MYH10: variants seen among roughly 807,000 people sequenced by gnomAD.
MYH10 encodes myosin heavy chain 10.
A neutral mutation model predicts 257.8 loss-of-function variants in MYH10; 55 were observed. That is an observed-to-expected ratio of 0.21 (90% CI 0.17 to 0.27). The LOEUF is 0.27. Ranked by LOEUF, MYH10 falls within the 10% of genes least tolerant of loss-of-function variation. The pLI, the probability that MYH10 is intolerant of heterozygous loss-of-function variation, is 1.00. For synonymous variants in MYH10, 854 were observed against 921.7 expected (o/e 0.93, Z 1.33); for missense variants, 1,631 against 2,500.6 (o/e 0.65, Z 7.42).
At chr17:8,484,016 TAAA>T (rs1342199584) in intron 37 of MYH10, 119 bp downstream of exon 37, 2 of 975,620 alleles carry the variant, frequency 2.0e-6, no homozygotes, top group Non-Finnish European at 2.9e-6. Flanking sequence ...CTTAAAAAAA[TAAA>T]AAACAAAAAT....
At chr17:8,622,117 CCAT>C (rs1168402653) in intron 2 of MYH10, among the ~76,000 whole-genome samples, 1 of 152,184 alleles carries the variant, frequency 6.6e-6, no homozygotes, top group Non-Finnish European at 1.5e-5. Context: ...CAAACCACGA[CCAT>C]CAACTTTTCT....
intron 3 of MYH10, among the ~76,000 whole-genome samples, chr17:8,592,444 T>C (rs1305516424): frequency 6.6e-6 from 1 of 152,068 alleles, no homozygotes; most frequent in African/African-American, 2.4e-5. Context: ...AAACTGCCAA[T>C]ATCTGTAATT....
At chr17:8,505,249 T>C (rs889532045) in intron 27 of MYH10, among the ~76,000 whole-genome samples, 1 of 152,240 alleles carries the variant, frequency 6.6e-6, no homozygotes. Context: ...AAGGCTGTTA[T>C]AGTTAAAAAT....
chr17:8,582,579 G>A (rs2083749267), intron 4 of MYH10, among the ~76,000 whole-genome samples: 1 of 152,222 alleles, frequency 6.6e-6, no homozygotes, highest in African/African-American at 2.4e-5. Flanking sequence ...CTAGCTGGAG[G>A]TGTCCTGCAT....
chr17:8,477,100 G>A lies in MYH10; in HGVS notation c.5707-52C>T, dbSNP rs757936666. 6.9e-6 allele frequency: 11 copies of A among 1,602,314 alleles called. No homozygotes were observed. Among genetic ancestry groups the A allele is most frequent in the South Asian group, 5.5e-5 (5 of 90,566 alleles). ...AAACCAAACTGGTGAATCCAGTGTCGGCCTCTCTGTACCCCGAGCGTGGCA... is the reference window on the plus strand; with the variant it reads ...AAACCAAACTGGTGAATCCAGTGTCAGCCTCTCTGTACCCCGAGCGTGGCA... On this transcript the variant is annotated intron_variant, in intron 41 of 42. Coordinates refer to ENST00000360416, the MANE Select transcript of MYH10 (RefSeq NM_001256012.3). This position sits in a 1 kb window ranked among gnomAD's most constrained non-coding sequence, Gnocchi z 4.2.
At chr17:8,596,706 C>T in intron 3 of MYH10, among the ~76,000 whole-genome samples, 1 of 148,808 alleles carries the variant, frequency 6.7e-6, no homozygotes, top group Non-Finnish European at 1.5e-5. Context: ...CTACCTGTTA[C>T]CCTCACAAGA....
In MYH10 at chr17:8,490,603, G is replaced by T; in HGVS notation, c.4672-51C>A. 6.4e-7 allele frequency: 1 copy of T among 1,568,072 alleles called. No individual in the cohort carries two copies. The highest frequency in any genetic ancestry group is 1.1e-5 in the South Asian group (1 of 90,084). On this transcript the variant is annotated intron_variant, in intron 34 of 42. Transcript: ENST00000360416. This position sits in a 1 kb window ranked among gnomAD's most constrained non-coding sequence, Gnocchi z 4.1. ...AGTTGACCGGGGTGGAGGCACATATGAAGAACAGCAGTCTTACTGTTTTAC... is the reference window on the plus strand; with the variant it reads ...AGTTGACCGGGGTGGAGGCACATATTAAGAACAGCAGTCTTACTGTTTTAC...
chr17:8,487,176 G>A (rs1400024694), intron 36 of MYH10, among the ~76,000 whole-genome samples: 1 of 152,202 alleles, frequency 6.6e-6, no homozygotes, highest in African/African-American at 2.4e-5. Context: ...AGGAAGGGTG[G>A]GTTTTAAGCA....
intron 36 of MYH10, among the ~76,000 whole-genome samples, chr17:8,485,046 T>G (rs1914523455): frequency 1.3e-5 from 2 of 152,206 alleles, no homozygotes; most frequent in African/African-American, 4.8e-5. Flanking sequence ...GATCTGATAT[T>G]GTATATAGAA....
intron 7 of MYH10, among the ~76,000 whole-genome samples, chr17:8,564,995 G>A (rs564231123): frequency 2.6e-4 from 40 of 152,266 alleles, no homozygotes; most frequent in South Asian, 2.1e-3. Flanking sequence ...TGGCCTGGAC[G>A]TGGGCCATGA....
intron 34 of MYH10, among the ~76,000 whole-genome samples, chr17:8,492,044 T>C (rs566502792): frequency 6.6e-6 from 1 of 152,164 alleles, no homozygotes; most frequent in South Asian, 2.1e-4. Context: ...GGGAGGGCAG[T>C]GAAAGGACAA....
chr17:8,540,763 T>G (rs1215541843), intron 14 of MYH10, among the ~76,000 whole-genome samples: 2 of 152,140 alleles, frequency 1.3e-5, no homozygotes, highest in African/African-American at 4.8e-5. Flanking sequence ...TAGTCATCAA[T>G]AGTACTAATG....
chr17:8,496,329 G>A (rs563353948), intron 30 of MYH10, among the ~76,000 whole-genome samples: 2 of 152,178 alleles, frequency 1.3e-5, no homozygotes, highest in Non-Finnish European at 2.9e-5. Context: ...TGGTCACTCT[G>A]TTTAGCAACA....
intron 29 of MYH10, among the ~76,000 whole-genome samples, chr17:8,499,895 GAC>G (rs1368758666): frequency 6.6e-6 from 1 of 152,218 alleles, no homozygotes; most frequent in Non-Finnish European, 1.5e-5. Context: ...CTGCCTCAGG[GAC>G]AAGATTGGGT....
At chr17:8,623,904 T>C (rs1204829362) in intron 1 of MYH10, among the ~76,000 whole-genome samples, 3 of 152,172 alleles carry the variant, frequency 2.0e-5, no homozygotes, top group Non-Finnish European at 4.4e-5. Flanking sequence ...GGCAGCCTTT[T>C]GAATATGTCA....
At chr17:8,568,493 C>T (rs1362677172) in intron 7 of MYH10, among the ~76,000 whole-genome samples, 2 of 151,840 alleles carry the variant, frequency 1.3e-5, no homozygotes, top group African/African-American at 2.4e-5. Flanking sequence ...CGTGTCACGA[C>T]GACACTAGAT....
chr17:8,593,624 A>T (rs1196802021), intron 3 of MYH10, among the ~76,000 whole-genome samples: 2 of 152,174 alleles, frequency 1.3e-5, no homozygotes, highest in Non-Finnish European at 2.9e-5. Context: ...CTTGGTTATA[A>T]ATCTGATGAA....
intron 2 of MYH10, among the ~76,000 whole-genome samples, chr17:8,616,285 A>G (rs1047571589): frequency 6.7e-6 from 1 of 149,726 alleles, no homozygotes; most frequent in Non-Finnish European, 1.5e-5. Flanking sequence ...TTTGTCTCCA[A>G]AAAAAAAAAG....
intron 24 of MYH10, chr17:8,511,015 C>CATATATATATAT (rs56144668): frequency 1.2e-4 from 15 of 120,530 alleles, no homozygotes; most frequent in African/African-American, 4.6e-4. Flanking sequence ...TCATGTACCC[C>CATATATATATAT]ATATATATAT....
Sources: gnomAD v4.1 joint callset for allele counts (sites outside exome capture counted in the v4.1 genomes callset) on GRCh38, gnomAD v4.1.1 for gene constraint, Gnocchi (gnomAD v3.1) non-coding constraint, MANE v1.5 for transcripts, NCBI Gene and HGNC (gene_info 2026-07-23, HGNC 2026-07-21) for gene names.